The following OPCML variants were observed in gnomAD, a reference collection of about 807,000 sequenced individuals.
OPCML encodes opioid binding protein/cell adhesion molecule like.
In OPCML, 13 loss-of-function variants were observed where a neutral mutation model predicts 37.8. That is an observed-to-expected ratio of 0.34 (90% CI 0.22 to 0.55). The LOEUF is 0.55. Ranked by LOEUF, OPCML falls within the 20% of genes least tolerant of loss-of-function variation. The pLI is 0.91. For synonymous variants in OPCML, 176 were observed against 168.8 expected (o/e 1.04, Z -0.33); for missense variants, 341 against 435.6 (o/e 0.78, Z 1.93).
chr11:133,410,610 G>A (rs1236861560), intron 1 of OPCML, among the ~76,000 whole-genome samples: 1 of 94,032 alleles, frequency 1.1e-5, no homozygotes, highest in East Asian at 3.6e-4. Flanking sequence ...TTCTTTGAGT[G>A]AAAGCACACG....
At chr11:132,438,097 A>G (rs1351789836) in intron 4 of OPCML, among the ~76,000 whole-genome samples, 1 of 152,238 alleles carries the variant, frequency 6.6e-6, no homozygotes, top group Non-Finnish European at 1.5e-5. Flanking sequence ...GTACTTGTGA[A>G]ACTTGTCATT....
chr11:132,526,536 A>G (rs2096308911), intron 4 of OPCML, among the ~76,000 whole-genome samples: 1 of 152,180 alleles, frequency 6.6e-6, no homozygotes, highest in Non-Finnish European at 1.5e-5. Context: ...CTAATTTATT[A>G]GCATTATCTT....
chr11:133,488,476 G>A (rs1392987622), intron 1 of OPCML, among the ~76,000 whole-genome samples: 1 of 151,930 alleles, frequency 6.6e-6, no homozygotes, highest in African/African-American at 2.4e-5. Context: ...CTAACCAAGG[G>A]CTAAATCAAG....
intron 1 of OPCML, among the ~76,000 whole-genome samples, chr11:133,014,851 T>C (rs1278814294): frequency 6.6e-6 from 1 of 152,238 alleles, no homozygotes; most frequent in African/African-American, 2.4e-5. Flanking sequence ...CCAACCCACA[T>C]CTACTGTCCT....
chr11:132,735,327 C>T (rs1409428760), intron 2 of OPCML, among the ~76,000 whole-genome samples: 1 of 152,052 alleles, frequency 6.6e-6, no homozygotes, highest in African/African-American at 2.4e-5. Context: ...TTCAGTAAGA[C>T]AACAGGGCTT....
At chr11:132,490,375 C>T (rs548672276) in intron 4 of OPCML, among the ~76,000 whole-genome samples, 2 of 152,228 alleles carry the variant, frequency 1.3e-5, no homozygotes, top group South Asian at 4.2e-4. Context: ...TGAGGTTTCT[C>T]TCAAAGGCGC....
intron 3 of OPCML, among the ~76,000 whole-genome samples, chr11:132,622,476 G>A (rs1939481576): frequency 6.6e-6 from 1 of 152,204 alleles, no homozygotes; most frequent in Admixed American, 6.5e-5. Context: ...AAATGGCAGA[G>A]AGAGAGGGAC....
intron 1 of OPCML, among the ~76,000 whole-genome samples, chr11:133,335,403 G>C (rs946104742): frequency 2.6e-5 from 4 of 152,154 alleles, no homozygotes; most frequent in African/African-American, 9.7e-5. Flanking sequence ...TTCAGAACAA[G>C]ACAAGGCGGA....
chr11:132,541,802 A>T (rs2096357278), intron 3 of OPCML, among the ~76,000 whole-genome samples: 1 of 152,186 alleles, frequency 6.6e-6, no homozygotes, highest in African/African-American at 2.4e-5. Context: ...GCTTGAGGTG[A>T]TCCAATGTGC....
chr11:133,302,751 C>T (rs993399979), intron 1 of OPCML: 2 of 152,172 alleles, frequency 1.3e-5, no homozygotes, highest in Non-Finnish European at 2.9e-5. Context: ...CCTCCCTATT[C>T]CTCGAGGTAA....
intron 1 of OPCML, among the ~76,000 whole-genome samples, chr11:133,240,155 C>T (rs1357343658): frequency 6.7e-6 from 1 of 148,934 alleles, no homozygotes; most frequent in East Asian, 2.0e-4. Context: ...TGTGTGCTTC[C>T]CTTCTGCAAA....
chr11:132,779,801 A>C (rs1946936733), intron 2 of OPCML, among the ~76,000 whole-genome samples: 1 of 152,192 alleles, frequency 6.6e-6, no homozygotes, highest in African/African-American at 2.4e-5. Context: ...TGGGTACAGA[A>C]ATGAAAGGGA....
At chr11:133,096,047 A>T (rs1248751880) in intron 1 of OPCML, among the ~76,000 whole-genome samples, 1 of 151,994 alleles carries the variant, frequency 6.6e-6, no homozygotes, top group Non-Finnish European at 1.5e-5. Flanking sequence ...TAAAATCAAA[A>T]TGTTTAGTTT....
intron 1 of OPCML, among the ~76,000 whole-genome samples, chr11:133,443,315 A>G (rs1408820043): frequency 2.0e-5 from 3 of 152,178 alleles, no homozygotes; most frequent in Non-Finnish European, 2.9e-5. Context: ...GGGTGTTTTT[A>G]TGTATCATGC....
chr11:132,616,838 A>G (rs951969875), intron 3 of OPCML, among the ~76,000 whole-genome samples: 3 of 152,238 alleles, frequency 2.0e-5, no homozygotes, highest in Non-Finnish European at 2.9e-5. Flanking sequence ...CCCTCAGACT[A>G]TATTTTAAGC....
chr11:133,032,783 T>C (rs1285250560), intron 1 of OPCML, among the ~76,000 whole-genome samples: 1 of 152,166 alleles, frequency 6.6e-6, no homozygotes. Flanking sequence ...TATTCCGACC[T>C]GGAATTGGTA....
chr11:132,979,985 G>A (rs754659620), intron 1 of OPCML, among the ~76,000 whole-genome samples: 5 of 152,196 alleles, frequency 3.3e-5, no homozygotes, highest in Non-Finnish European at 5.9e-5. Flanking sequence ...GTTAAGTGCT[G>A]AATCTTGAGT....
intron 3 of OPCML, among the ~76,000 whole-genome samples, chr11:132,565,886 A>G (rs964587811): frequency 6.6e-6 from 1 of 152,174 alleles, no homozygotes; most frequent in Admixed American, 6.5e-5. Context: ...TACAAAAATT[A>G]GCCAAGCATG....
intron 1 of OPCML, among the ~76,000 whole-genome samples, chr11:133,399,284 G>C (rs1040930705): frequency 6.6e-6 from 1 of 152,138 alleles, no homozygotes; most frequent in African/African-American, 2.4e-5. Context: ...GGTGGCTTTT[G>C]GGCTTAGGAA....
Sources: gnomAD v4.1 joint callset for allele counts (sites outside exome capture counted in the v4.1 genomes callset) on GRCh38, gnomAD v4.1.1 for gene constraint, MANE v1.5 for transcripts, NCBI Gene and HGNC (gene_info 2026-07-23, HGNC 2026-07-21) for gene names.